CAMK2D: variants seen among roughly 807,000 people sequenced by gnomAD.
CAMK2D encodes the protein calcium/calmodulin-dependent protein kinase type II subunit delta.
A neutral mutation model predicts 84.0 loss-of-function variants in CAMK2D; 37 were observed. The observed-to-expected ratio is 0.44, with a 90% confidence interval of 0.34 to 0.58. The LOEUF is 0.58. CAMK2D is among the 20% of genes least tolerant of loss of function. The pLI, the probability that CAMK2D is intolerant of heterozygous loss-of-function variation, is 0.02. For synonymous variants in CAMK2D, 202 were observed against 212.5 expected (o/e 0.95, Z 0.43); for missense variants, 448 against 652.5 (o/e 0.69, Z 3.41).
chr4:113,661,920 G>A, intron 2 of CAMK2D, 148 bp from the exon 3 acceptor site: 2 of 583,018 alleles, frequency 3.4e-6, no homozygotes, highest in Non-Finnish European at 6.2e-6. Flanking sequence ...TTAGAATTAA[G>A]TGAATAGCAC....
intron 3 of CAMK2D, among the ~76,000 whole-genome samples, chr4:113,616,598 T>C (rs2099022327): frequency 6.6e-6 from 1 of 152,290 alleles, no homozygotes; most frequent in Non-Finnish European, 1.5e-5. Flanking sequence ...GGAGATATGA[T>C]CAGTAACTGT....
intron 4 of CAMK2D, among the ~76,000 whole-genome samples, chr4:113,594,749 A>T (rs1409784506): frequency 6.6e-6 from 1 of 152,200 alleles, no homozygotes; most frequent in Non-Finnish European, 1.5e-5. Flanking sequence ...AGGAAGAAAA[A>T]GACTGATAAA....
chr4:113,671,269 T>C (rs1370718326), intron 2 of CAMK2D, among the ~76,000 whole-genome samples: 2 of 152,254 alleles, frequency 1.3e-5, no homozygotes, highest in East Asian at 3.9e-4. Flanking sequence ...GGGAATGAAA[T>C]GTAAAAGAAC....
chr4:113,619,006 G>A (rs1008014235), intron 3 of CAMK2D, among the ~76,000 whole-genome samples: 1 of 152,226 alleles, frequency 6.6e-6, no homozygotes, highest in East Asian at 1.9e-4. Flanking sequence ...CATCTCAAAC[G>A]TGTGGTGCAT....
chr4:113,667,417 A>G (rs895777047), intron 2 of CAMK2D, among the ~76,000 whole-genome samples: 2 of 152,250 alleles, frequency 1.3e-5, no homozygotes, highest in African/African-American at 4.8e-5. Flanking sequence ...GAGAACCTAG[A>G]GATCCTCTCT....
At chr4:113,585,005 C>CA (rs1232017089) in intron 4 of CAMK2D, among the ~76,000 whole-genome samples, 1 of 152,198 alleles carries the variant, frequency 6.6e-6, no homozygotes, top group Admixed American at 6.5e-5. Context: ...CCGGGTCCCA[C>CA]ACCAGCTTGC....
At chr4:113,711,411 T>C (rs1298092526) in intron 2 of CAMK2D, among the ~76,000 whole-genome samples, 1 of 151,946 alleles carries the variant, frequency 6.6e-6, no homozygotes, top group Non-Finnish European at 1.5e-5. Flanking sequence ...TACTGAGAAA[T>C]AAATTCAAAA....
chr4:113,551,233 C>T (rs17446851), intron 5 of CAMK2D, among the ~76,000 whole-genome samples: 3,595 of 152,268 alleles, frequency 0.024, 70 homozygotes, highest in Middle Eastern at 0.037. Flanking sequence ...GTTAATGTTA[C>T]TCCACTCCAA....
chr4:113,620,157 C>G (rs1294845896), intron 3 of CAMK2D, among the ~76,000 whole-genome samples: 1 of 152,058 alleles, frequency 6.6e-6, no homozygotes, highest in African/African-American at 2.4e-5. Flanking sequence ...GAGGTGTTAA[C>G]TATGGTCTTA....
intron 3 of CAMK2D, among the ~76,000 whole-genome samples, chr4:113,635,023 G>T (rs928060719): frequency 6.6e-6 from 1 of 152,174 alleles, no homozygotes; most frequent in South Asian, 2.1e-4. Flanking sequence ...CCTATGAGAG[G>T]TTATCAACAA....
Position 113,754,681 on chromosome 4 carries a change from C to CTT in CAMK2D, c.160+4637_160+4638dup, listed in dbSNP as rs201377983. ...ATTATTTCCTGGAAGTGTGGATATA[C>CTT]TTTTTTTTTTTATTATTTGTGTCTC... On this transcript the variant is annotated intron_variant, in intron 2 of 20. Transcript: ENST00000511664. 0.01 allele frequency: 8,363 copies of CTT among 809,564 alleles called. 151 individuals carry two copies. The East Asian group carries it at 0.17, about 17-fold the overall frequency. The allele number at this position is 809,564 out of a possible 1,614,324, so 50.1% of individuals were successfully genotyped here.
intron 16 of CAMK2D, among the ~76,000 whole-genome samples, chr4:113,476,390 G>C (rs573386249): frequency 6.6e-6 from 1 of 151,926 alleles, no homozygotes; most frequent in Non-Finnish European, 1.5e-5. Flanking sequence ...CAAAAATTAC[G>C]ACAACGAGAT....
intron 2 of CAMK2D, among the ~76,000 whole-genome samples, chr4:113,756,846 AC>A: frequency 6.6e-6 from 1 of 152,118 alleles, no homozygotes; most frequent in Non-Finnish European, 1.5e-5. Context: ...CAATATGAGT[AC>A]AAGTTAAACA....
Position 113,547,683 on chromosome 4 carries a change from T to C in CAMK2D, c.375A>G (p.Leu125=), listed in dbSNP as rs576248686. 19 of 1,568,968 alleles carry C rather than the reference T, an allele frequency of 1.2e-5. No homozygotes were observed. The highest frequency in any genetic ancestry group is 8.9e-5 in the Admixed American group (5 of 55,960). The change falls in exon 6 of 21, where the codon CTA becomes CTG. Residue 125 remains leucine, a synonymous_variant. Transcript: ENST00000511664. ...HCIQQILEAV[L]HCHQMGVVHR... is the part of the protein sequence containing the mutation. Reference sequence around the variant, plus strand: ...GGACCACGCCCATCTGATGGCAGTGTAGCACAGCCTCCAGGATCTGCTGAA... The same window carrying C: ...GGACCACGCCCATCTGATGGCAGTGCAGCACAGCCTCCAGGATCTGCTGAA...
At chr4:113,529,091 T>C (rs2098441118) in intron 8 of CAMK2D, among the ~76,000 whole-genome samples, 1 of 152,124 alleles carries the variant, frequency 6.6e-6, no homozygotes, top group South Asian at 2.1e-4. Context: ...GGTAACATAT[T>C]CCTATTTTAC....
intron 8 of CAMK2D, among the ~76,000 whole-genome samples, chr4:113,524,962 T>C: frequency 6.6e-6 from 1 of 152,190 alleles, no homozygotes; most frequent in East Asian, 1.9e-4. Flanking sequence ...TGGAGGCCTA[T>C]CTGTGATTGG....
intron 7 of CAMK2D, among the ~76,000 whole-genome samples, chr4:113,535,423 A>G (rs1443096655): frequency 6.6e-6 from 1 of 152,140 alleles, no homozygotes; most frequent in African/African-American, 2.4e-5. Flanking sequence ...TTGCTTGCAG[A>G]TTAACTATGC....
chr4:113,626,559 T>C (rs1036798912), intron 3 of CAMK2D, among the ~76,000 whole-genome samples: 12 of 152,234 alleles, frequency 7.9e-5, no homozygotes, highest in Non-Finnish European at 1.5e-4. Context: ...TATTTTACCA[T>C]GTGGGACAAT....
chr4:113,606,048 A>G (rs576280191), intron 4 of CAMK2D, among the ~76,000 whole-genome samples: 1 of 152,328 alleles, frequency 6.6e-6, no homozygotes, highest in Admixed American at 6.5e-5. Context: ...GCCATAATAA[A>G]AAAATGCTTC....
Sources: gnomAD v4.1 joint callset for allele counts (sites outside exome capture counted in the v4.1 genomes callset) on GRCh38, gnomAD v4.1.1 for gene constraint, MANE v1.5 for transcripts, NCBI Gene and HGNC (gene_info 2026-07-23, HGNC 2026-07-21) for gene names.